Variants in SESN1 observed in about 807,000 individuals in gnomAD.
SESN1 encodes sestrin 1, also known as sestrin-1.
Under a neutral mutation model 59.3 loss-of-function variants are expected in SESN1, and 30 were observed. That is an observed-to-expected ratio of 0.51 (90% CI 0.38 to 0.69). The LOEUF is 0.69. Among genes scored for constraint, SESN1 ranks in the 30% least tolerant of loss-of-function variants. The pLI is 0.00. For missense variants in SESN1, 566 were observed against 673.0 expected, an observed-to-expected ratio of 0.84 and a Z score of 1.76; for synonymous variants, 197 against 219.9, an observed-to-expected ratio of 0.90 and a Z score of 0.92.
chr6:109,022,117 CTTCTT>C (rs1260087194), intron 1 of SESN1, among the ~76,000 whole-genome samples: 1 of 150,616 alleles, frequency 6.6e-6, no homozygotes, highest in Non-Finnish European at 1.5e-5. Flanking sequence ...TTTCTCCTTT[CTTCTT>C]TTAATTTCCT....
chr6:109,048,818 A>G (rs535336430), intron 1 of SESN1, among the ~76,000 whole-genome samples: 2 of 152,218 alleles, frequency 1.3e-5, no homozygotes, highest in South Asian at 2.1e-4. Flanking sequence ...AATTTATTCT[A>G]TGTGTTCCTG....
In SESN1 at chr6:108,985,561, T is replaced by A. The variant is rs543889066; in HGVS notation, c.*1983A>T. ...TTGTATCACATGCACTTTTATTACTTTAGGTATAAACATATTTTTTAACTC... is the reference window on the plus strand; with the variant it reads ...TTGTATCACATGCACTTTTATTACTATAGGTATAAACATATTTTTTAACTC... On this transcript the variant is annotated 3_prime_UTR_variant, in exon 10 of 10. Transcript: ENST00000436639. Among the ~76,000 whole-genome samples, 34 of 152,342 alleles carry A rather than the reference T, an allele frequency of 2.2e-4. No individual in the cohort carries two copies. The highest frequency in any genetic ancestry group is 7.0e-4 in the African/African-American group (29 of 41,572).
chr6:109,091,186 T>C (rs1163287055), intron 1 of SESN1, among the ~76,000 whole-genome samples: 1 of 152,218 alleles, frequency 6.6e-6, no homozygotes, highest in Non-Finnish European at 1.5e-5. Context: ...ACCTTTTCTA[T>C]GTTTAGATAC....
intron 1 of SESN1, among the ~76,000 whole-genome samples, chr6:109,030,364 A>AT (rs1780163664): frequency 1.3e-5 from 2 of 152,250 alleles, no homozygotes; most frequent in Non-Finnish European, 2.9e-5. Context: ...TGTCCAGAGC[A>AT]TTTATGTAAA....
In SESN1 at chr6:109,087,315, G is replaced by T. The variant is rs115760256; in HGVS notation, c.279+6480C>A. 7.9e-3 allele frequency among the ~76,000 whole-genome samples: 1,190 copies of T among 150,726 alleles called. 21 individuals are homozygous for T. The highest frequency in any genetic ancestry group is 0.028 in the African/African-American group (1,140 of 40,788). On this transcript the variant is annotated intron_variant, in intron 1 of 9. Transcript: ENST00000436639. ...TGATTCCTCCTGTAAGTCAGAAAGT[G>T]AAAAAAAATTGGCTGTCTTCAAACA... is the stretch of plus-strand genomic sequence containing the variant.
intron 1 of SESN1, among the ~76,000 whole-genome samples, chr6:109,092,716 CT>C (rs1283973042): frequency 2.0e-5 from 3 of 152,140 alleles, no homozygotes; most frequent in Non-Finnish European, 4.4e-5. Context: ...AGAGAAATAA[CT>C]TTTTGTGTTT....
At chr6:109,018,590 T>C (rs1779961558) in intron 1 of SESN1, among the ~76,000 whole-genome samples, 1 of 152,238 alleles carries the variant, frequency 6.6e-6, no homozygotes, top group Non-Finnish European at 1.5e-5. Flanking sequence ...GCACATCCCA[T>C]CATGATTCCT....
At position 108,985,286 on chromosome 6, in the gene SESN1, C is replaced by A. The variant is rs114414265; in HGVS notation, c.*2258G>T. Among the ~76,000 whole-genome samples, 15,253 of 152,076 alleles carry A rather than the reference C, an allele frequency of 0.1. 901 individuals are homozygous for A. The highest frequency in any genetic ancestry group is 0.19 in the South Asian group (909 of 4,822). On this transcript the variant is annotated 3_prime_UTR_variant, in exon 10 of 10. Transcript: ENST00000436639. ...AAAATTTTCCCAAATACGGCCAAAA[C>A]AACTCAAGATTTTAACTCTTGAATC...
intron 1 of SESN1, chr6:109,009,583 A>C (rs894758389): frequency 2.2e-5 from 24 of 1,070,856 alleles, no homozygotes; most frequent in East Asian, 2.0e-4. Flanking sequence ...CCGACAAACA[A>C]GCCGCGCGGC....
intron 1 of SESN1, among the ~76,000 whole-genome samples, chr6:109,059,177 AATTTT>A (rs1780689848): frequency 6.6e-6 from 1 of 152,166 alleles, no homozygotes; most frequent in Admixed American, 6.5e-5. Flanking sequence ...CTTAAAATTT[AATTTT>A]AAGAGAAATT....
intron 1 of SESN1, among the ~76,000 whole-genome samples, chr6:109,019,314 T>A (rs1779972983): frequency 6.6e-6 from 1 of 152,174 alleles, no homozygotes. Flanking sequence ...AAGACTTGGG[T>A]CAGGCTTTAA....
intron 1 of SESN1, among the ~76,000 whole-genome samples, chr6:109,054,882 A>C (rs1188551940): frequency 6.6e-6 from 1 of 152,208 alleles, no homozygotes; most frequent in African/African-American, 2.4e-5. Context: ...TTTCCATTAA[A>C]GCTTTCTTCC....
At chr6:109,082,227 A>G (rs1262295411) in intron 1 of SESN1, among the ~76,000 whole-genome samples, 2 of 152,114 alleles carry the variant, frequency 1.3e-5, no homozygotes, top group African/African-American at 2.4e-5. Flanking sequence ...AAGTAGCTTA[A>G]AACTTTCTCA....
chr6:108,985,289 C>G lies in SESN1; in HGVS notation c.*2255G>C, dbSNP rs1417223665. Among the ~76,000 whole-genome samples the G allele has an allele frequency of 7.0e-6, 1 of 143,478 alleles. No individual in the cohort carries two copies. Among genetic ancestry groups the G allele is most frequent in the Admixed American group, 6.9e-5 (1 of 14,596 alleles). The allele number at this position is 143,478 out of a possible 152,430, so 94.1% of individuals were successfully genotyped here. A position where few individuals can be genotyped will look rare whatever the true frequency, so the allele number is the denominator to read the frequency against. On this transcript the variant is annotated 3_prime_UTR_variant, in exon 10 of 10. Transcript: ENST00000436639. ...ATTTTCCCAAATACGGCCAAAACAA[C>G]TCAAGATTTTAACTCTTGAATCCTG... is the stretch of plus-strand genomic sequence containing the variant.
intron 5 of SESN1, among the ~76,000 whole-genome samples, chr6:108,996,080 C>T (rs1190734831): frequency 6.6e-6 from 1 of 152,130 alleles, no homozygotes. Context: ...CTTCCCAGAC[C>T]AAACCTTCAT....
At chr6:109,052,341 AAAGTG>A in intron 1 of SESN1, among the ~76,000 whole-genome samples, 1 of 152,318 alleles carries the variant, frequency 6.6e-6, no homozygotes, top group South Asian at 2.1e-4. Context: ...TTTTACTGTA[AAAGTG>A]AAGACTATAT....
intron 1 of SESN1, among the ~76,000 whole-genome samples, chr6:109,035,963 G>A (rs1702961700): frequency 6.6e-6 from 1 of 152,156 alleles, no homozygotes; most frequent in African/African-American, 2.4e-5. Context: ...AACTCCCAGA[G>A]CATAGTAATT....
rs1470259412 is a variant in SESN1 at position 109,076,640 on chromosome 6, T to C, written c.279+17155A>G. On this transcript the variant is annotated intron_variant, in intron 1 of 9. Coordinates refer to ENST00000436639, the MANE Select transcript of SESN1 (RefSeq NM_014454.3). ...AAACAAAAATGAGGCCAAAACTTAG[T>C]CTGCAGGAAACAACAACAGAACATT... 2.0e-5 allele frequency among the ~76,000 whole-genome samples: 3 copies of C among 152,134 alleles called. No homozygotes were observed. In the East Asian group the frequency reaches 5.8e-4, roughly 29 times the overall value.
intron 1 of SESN1, among the ~76,000 whole-genome samples, chr6:109,046,389 A>G (rs1358823644): frequency 3.3e-5 from 5 of 151,284 alleles, no homozygotes; most frequent in African/African-American, 9.7e-5. Context: ...TCAGTGCTCA[A>G]TGGTGCCCAG....
Sources: allele counts gnomAD v4.1 joint callset (sites outside exome capture counted in the v4.1 genomes callset), GRCh38; gene constraint gnomAD v4.1.1; transcripts MANE v1.5; gene names NCBI Gene and HGNC (gene_info 2026-07-23, HGNC 2026-07-21).